Variants in CCDC178 observed in about 807,000 individuals in gnomAD.
CCDC178 encodes the protein coiled-coil domain-containing protein 178.
In CCDC178, 126 loss-of-function variants were observed where a neutral mutation model predicts 117.4. The ratio of observed to expected loss-of-function variants is 1.07; its 90% CI spans 0.93 to 1.24. CCDC178 has a LOEUF of 1.24. Among genes scored for constraint, CCDC178 ranks in the 50% most tolerant of loss-of-function variants. CCDC178 has a pLI of 0.00. For synonymous variants in CCDC178, 283 were observed against 313.4 expected, an observed-to-expected ratio of 0.90 and a Z score of 1.02; for missense variants, 1,030 against 986.9, an observed-to-expected ratio of 1.04 and a Z score of -0.59.
At chr18:33,222,320 C>T (rs1463824777) in intron 18 of CCDC178, among the ~76,000 whole-genome samples, 1 of 150,204 alleles carries the variant, frequency 6.7e-6, no homozygotes. Context: ...TCCCTTCTTC[C>T]CTCCCTTCCT....
chr18:33,278,452 G>C (rs1599093710), intron 12 of CCDC178, among the ~76,000 whole-genome samples: 1 of 151,764 alleles, frequency 6.6e-6, no homozygotes, highest in South Asian at 2.1e-4. Flanking sequence ...AGCCTATAGA[G>C]CCACCCTTCT....
chr18:32,957,021 T>C (rs1377112366), intron 22 of CCDC178, among the ~76,000 whole-genome samples: 1 of 152,176 alleles, frequency 6.6e-6, no homozygotes, highest in Non-Finnish European at 1.5e-5. Context: ...GCCGTTTTGA[T>C]ACAGTAAAGA....
intron 20 of CCDC178, among the ~76,000 whole-genome samples, chr18:33,211,244 T>C (rs1413006367): frequency 6.6e-6 from 1 of 151,848 alleles, no homozygotes; most frequent in African/African-American, 2.4e-5. Context: ...CAAAAATGAG[T>C]AATATTTTTA....
chr18:32,996,981 C>T (rs2055524654), intron 21 of CCDC178, among the ~76,000 whole-genome samples: 1 of 151,948 alleles, frequency 6.6e-6, no homozygotes, highest in Non-Finnish European at 1.5e-5. Context: ...CTATTAATAA[C>T]AAAGAAAAAT....
At chr18:33,410,279 A>G (rs551728660) in intron 3 of CCDC178, among the ~76,000 whole-genome samples, 8 of 152,230 alleles carry the variant, frequency 5.3e-5, no homozygotes, top group Non-Finnish European at 7.3e-5. Context: ...AATATGAGTT[A>G]CACACCTGTA....
chr18:33,073,551 C>CTATATATA (rs3044485), intron 21 of CCDC178, among the ~76,000 whole-genome samples: 11 of 107,036 alleles, frequency 1.0e-4, no homozygotes, highest in Admixed American at 5.5e-4. Context: ...ATCTATCTAT[C>CTATATATA]TATATATATA....
chr18:33,390,193 G>A (rs934902943), intron 4 of CCDC178, among the ~76,000 whole-genome samples: 1 of 151,410 alleles, frequency 6.6e-6, no homozygotes, highest in Middle Eastern at 3.2e-3. Context: ...AAAATGTAGA[G>A]AGAGAGGGGA....
intron 21 of CCDC178, among the ~76,000 whole-genome samples, chr18:33,084,777 C>T (rs1476389908): frequency 6.6e-6 from 1 of 151,174 alleles, no homozygotes; most frequent in Non-Finnish European, 1.5e-5. Flanking sequence ...CGCCACTGCA[C>T]TCCAGCCTGG....
intron 20 of CCDC178, among the ~76,000 whole-genome samples, chr18:33,138,109 G>A (rs2058151807): frequency 6.6e-6 from 1 of 152,190 alleles, no homozygotes; most frequent in Non-Finnish European, 1.5e-5. Context: ...TAAAGGTATT[G>A]TCATTTACAT....
chr18:33,435,389 A>C (rs960900205), intron 2 of CCDC178, among the ~76,000 whole-genome samples: 6 of 152,144 alleles, frequency 3.9e-5, no homozygotes, highest in African/African-American at 1.2e-4. Context: ...GTTTTAGAGC[A>C]TGTAAGCACC....
chr18:32,950,657 G>T (rs1292050890), intron 22 of CCDC178, among the ~76,000 whole-genome samples: 1 of 152,164 alleles, frequency 6.6e-6, no homozygotes, highest in Non-Finnish European at 1.5e-5. Context: ...TGGGGCCCCA[G>T]TGTGTGAGTT....
chr18:33,099,454 T>C (rs2057591869), intron 20 of CCDC178, among the ~76,000 whole-genome samples: 1 of 151,968 alleles, frequency 6.6e-6, no homozygotes, highest in Non-Finnish European at 1.5e-5. Context: ...GACTGATTCA[T>C]AGCATGTACA....
intron 9 of CCDC178, among the ~76,000 whole-genome samples, chr18:33,341,087 G>A (rs1198464041): frequency 1.3e-5 from 2 of 152,174 alleles, no homozygotes; most frequent in Non-Finnish European, 2.9e-5. Flanking sequence ...AAGCCACAGG[G>A]GTGCAGCTGC....
At chr18:33,130,664 T>C (rs533624829) in intron 20 of CCDC178, among the ~76,000 whole-genome samples, 48 of 152,098 alleles carry the variant, frequency 3.2e-4, no homozygotes, top group Non-Finnish European at 5.7e-4. Context: ...TAAAAATCAC[T>C]GTGTTCACTA....
chr18:33,351,002 G>A (rs1418750881), intron 7 of CCDC178, among the ~76,000 whole-genome samples: 2 of 151,860 alleles, frequency 1.3e-5, no homozygotes, highest in African/African-American at 2.4e-5. Context: ...TATAAACTAA[G>A]GGTTTCTCAT....
chr18:33,333,039 G>A (rs2062690105), intron 10 of CCDC178, 135 bp downstream of exon 10: 1 of 539,642 alleles, frequency 1.9e-6, no homozygotes, highest in Admixed American at 3.4e-5. Flanking sequence ...AGTTGGTAAT[G>A]TGTAGAGATA....
chr18:33,194,900 CAAAAA>C (rs530764182), intron 20 of CCDC178, among the ~76,000 whole-genome samples: 1 of 56,122 alleles, frequency 1.8e-5, no homozygotes, highest in Non-Finnish European at 3.6e-5. Flanking sequence ...TCTGTTTCTA[CAAAAA>C]AAAAAAAAAA....
chr18:32,978,385 ATATT>A (rs1423994727), intron 21 of CCDC178, among the ~76,000 whole-genome samples: 7 of 152,052 alleles, frequency 4.6e-5, no homozygotes, highest in Non-Finnish European at 7.4e-5. Flanking sequence ...ATTCAAAAGA[ATATT>A]TAAGGAAAAA....
chr18:33,325,744 A>C (rs2062575886), intron 10 of CCDC178, among the ~76,000 whole-genome samples: 1 of 152,116 alleles, frequency 6.6e-6, no homozygotes, highest in Non-Finnish European at 1.5e-5. Flanking sequence ...TATTTTTGAG[A>C]GTATAATTAT....
Sources: allele counts gnomAD v4.1 joint callset (sites outside exome capture counted in the v4.1 genomes callset), GRCh38; gene constraint gnomAD v4.1.1; transcripts MANE v1.5; gene names NCBI Gene and HGNC (gene_info 2026-07-23, HGNC 2026-07-21).